Variants in COL4A4 observed in about 807,000 individuals in gnomAD.
COL4A4 encodes the protein collagen type IV alpha 4 chain.
A neutral mutation model predicts 192.9 loss-of-function variants in COL4A4; 105 were observed. That is an observed-to-expected ratio of 0.54 (90% CI 0.46 to 0.64). The LOEUF (loss-of-function observed/expected upper bound fraction) is 0.64. Among genes scored for constraint, COL4A4 ranks in the 30% least tolerant of loss-of-function variants. The pLI, the probability that COL4A4 is intolerant of heterozygous loss-of-function variation, is 0.00. For missense variants in COL4A4, 1,967 were observed against 2,169.3 expected, an observed-to-expected ratio of 0.91 and a Z score of 1.85; for synonymous variants, 762 against 769.9, an observed-to-expected ratio of 0.99 and a Z score of 0.17.
intron 35 of COL4A4, among the ~76,000 whole-genome samples, chr2:227,045,925 A>T (rs1972595748): frequency 2.5e-5 from 1 of 40,644 alleles, no homozygotes; most frequent in Non-Finnish European, 4.3e-5. Flanking sequence ...GTATATGTAT[A>T]TGTATATATG....
At chr2:227,111,596 G>T (rs796951546) in intron 9 of COL4A4, 82 bp downstream of exon 9, 2 of 1,442,016 alleles carry the variant, frequency 1.4e-6, no homozygotes, top group South Asian at 2.3e-5. Flanking sequence ...AAATTATGTA[G>T]CTGGCTTTGC....
chr2:227,052,379 A>G lies in COL4A4; in HGVS notation c.2894T>C (p.Met965Thr). Residue 965 changes from methionine to threonine, a missense_variant, in exon 32 of 48, where the codon ATG (methionine) becomes ACG (threonine). By Grantham distance (81) the Met-to-Thr change is moderately conservative. Coordinates refer to ENST00000396625, the MANE Select transcript of COL4A4 (RefSeq NM_000092.5). ...AIGPPGDEGEMAIISQKGTPG... is the reference protein window; with the variant it reads ...AIGPPGDEGETAIISQKGTPG... ...TGTTCCCTTTTGTGAAATGATAGCC[A>G]TTTCTCCTTCATCTCCGGGAGGTCC... The G allele has an allele frequency of 6.2e-7, 1 of 1,612,778 alleles. No individual in the cohort carries two copies. The highest frequency in any genetic ancestry group is 8.5e-7 in the Non-Finnish European group (1 of 1,178,844).
chr2:227,019,002 A>G (rs1040586454), intron 44 of COL4A4, among the ~76,000 whole-genome samples: 1 of 152,122 alleles, frequency 6.6e-6, no homozygotes, highest in African/African-American at 2.4e-5. Context: ...CTTCCTAGTT[A>G]CTTTCTTTGG....
At position 227,004,478 on chromosome 2, in the gene COL4A4, G is replaced by A. The variant is rs753264268; in HGVS notation, c.*2847C>T. The A allele has an allele frequency of 3.3e-5, 5 of 152,248 alleles. No individual in the cohort carries two copies. Among genetic ancestry groups the A allele is most frequent in the Non-Finnish European group, 7.3e-5 (5 of 68,066 alleles). The allele number at this position is 152,248 out of a possible 1,614,324, so 9.4% of individuals were successfully genotyped here. A position where few individuals can be genotyped will look rare whatever the true frequency, so the allele number is the denominator to read the frequency against. On this transcript the variant is annotated 3_prime_UTR_variant, in exon 48 of 48. Transcript: ENST00000396625. ...AGTCATTTGGACTTCATGGGCAGCGGAGTCACAGAAGGATTCTAATCCAGA... is the reference window on the plus strand; with the variant it reads ...AGTCATTTGGACTTCATGGGCAGCGAAGTCACAGAAGGATTCTAATCCAGA...
chr2:227,062,365 C>G (rs935599218), intron 26 of COL4A4, among the ~76,000 whole-genome samples, 165 bp downstream of exon 26: 1 of 152,100 alleles, frequency 6.6e-6, no homozygotes, highest in African/African-American at 2.4e-5. Flanking sequence ...ACTAGAGGCC[C>G]AACTACAAAT....
chr2:227,127,419 A>C (rs1157921204), intron 4 of COL4A4, among the ~76,000 whole-genome samples: 1 of 152,242 alleles, frequency 6.6e-6, no homozygotes, highest in Non-Finnish European at 1.5e-5. Context: ...GTACAAATAA[A>C]GGATGAAGGA....
At chr2:227,131,456 CT>C (rs1378619426) in intron 4 of COL4A4, among the ~76,000 whole-genome samples, 6 of 152,098 alleles carry the variant, frequency 3.9e-5, no homozygotes, top group Non-Finnish European at 1.5e-5. Flanking sequence ...TACCCTGCCC[CT>C]GTCTGCTTTT....
At chr2:227,095,250 G>C (rs1457473114) in intron 19 of COL4A4, among the ~76,000 whole-genome samples, 1 of 152,138 alleles carries the variant, frequency 6.6e-6, no homozygotes, top group Non-Finnish European at 1.5e-5. Flanking sequence ...TAAAAATATA[G>C]ACTCACGTAA....
At chr2:227,145,724 T>A (rs1559738086) in intron 2 of COL4A4, among the ~76,000 whole-genome samples, 1 of 152,188 alleles carries the variant, frequency 6.6e-6, no homozygotes, top group Non-Finnish European at 1.5e-5. Context: ...TACTTCTTCC[T>A]CTTTTGCTGA....
chr2:227,045,815 T>C (rs1344146480), intron 35 of COL4A4, among the ~76,000 whole-genome samples: 599 of 52,202 alleles, frequency 0.011, 132 homozygotes, highest in South Asian at 0.026. Flanking sequence ...TATATATATA[T>C]ACACATATAT....
rs533256504 is a variant in COL4A4 at position 227,154,275 on chromosome 2, A to C, written c.-101-6691T>G. 4.8e-4 allele frequency among the ~76,000 whole-genome samples: 73 copies of C among 152,282 alleles called. 1 individual carries two copies. The South Asian group carries it at 0.015, about 32-fold the overall frequency. ...TGAGTCTCTGCCCAATGCTTTCCAA[A>C]TGACAGGTTTGGGAACAAGATCTGA... On this transcript the variant is annotated intron_variant, in intron 1 of 47. Coordinates refer to ENST00000396625, the MANE Select transcript of COL4A4 (RefSeq NM_000092.5).
intron 44 of COL4A4, among the ~76,000 whole-genome samples, chr2:227,017,264 G>A (rs1026956003): frequency 6.6e-6 from 1 of 152,208 alleles, no homozygotes; most frequent in African/African-American, 2.4e-5. Context: ...ACTCCCTTTA[G>A]GGTGAGGCAA....
At chr2:227,013,264 C>A (rs1964182687) in intron 44 of COL4A4, among the ~76,000 whole-genome samples, 1 of 152,100 alleles carries the variant, frequency 6.6e-6, no homozygotes. Flanking sequence ...GTTTTCTATT[C>A]TCTTTCTCTC....
At chr2:227,022,413 A>G in intron 43 of COL4A4, 2 of 725,348 alleles carry the variant, frequency 2.8e-6, no homozygotes, top group South Asian at 2.7e-5. Flanking sequence ...GGCTGACCGA[A>G]TGAGTGAATG....
intron 4 of COL4A4, among the ~76,000 whole-genome samples, chr2:227,138,133 A>AAATAAT (rs35550127): frequency 0.067 from 9,812 of 147,084 alleles, 1,014 homozygotes; most frequent in African/African-American, 0.23. Flanking sequence ...CCACCTCTAC[A>AAATAAT]AATAATAATA....
chr2:227,008,237 C>T lies in COL4A4; in HGVS notation c.4590G>A (p.Val1530=), dbSNP rs141793628. ...LPFAYCNIHQ[V]CHYAQRNDRS... ...TGTCGTTTCTCTGGGCATAGTGGCA[C>T]ACCTGGTGGATGTTGCAGTAGGCAA... Residue 1530 remains valine, a synonymous_variant, in exon 47 of 48, where the codon GTG becomes GTA. Coordinates refer to ENST00000396625, the MANE Select transcript of COL4A4 (RefSeq NM_000092.5). 36 of 1,614,238 alleles carry T rather than the reference C, an allele frequency of 2.2e-5. No homozygotes were observed. In the African/African-American group the frequency reaches 4.3e-4, roughly 19 times the overall value.
intron 37 of COL4A4, among the ~76,000 whole-genome samples, chr2:227,034,562 A>T (rs1187266790): frequency 2.7e-5 from 4 of 150,556 alleles, no homozygotes; most frequent in South Asian, 2.1e-4. Context: ...TTAATTAATT[A>T]ATTAATTAAT....
At chr2:227,012,038 G>A (rs1963845037) in intron 45 of COL4A4, 143 bp downstream of exon 45, 1 of 723,722 alleles carries the variant, frequency 1.4e-6, no homozygotes, top group African/African-American at 1.7e-5. Flanking sequence ...CATTGTTTCT[G>A]TCTCTGATAC....
chr2:226,990,087 CTATTTA>C, the COL4A4 span, among the ~76,000 whole-genome samples: 4 of 152,194 alleles, frequency 2.6e-5, no homozygotes, highest in Admixed American at 6.5e-5. Flanking sequence ...TAATTTCACA[CTATTTA>C]TAAAGAGAGA....
Sources: allele counts gnomAD v4.1 joint callset (sites outside exome capture counted in the v4.1 genomes callset), GRCh38; gene constraint gnomAD v4.1.1; transcripts MANE v1.5; gene names NCBI Gene and HGNC (gene_info 2026-07-23, HGNC 2026-07-21).